LSM3: variants seen among roughly 807,000 people sequenced by gnomAD.
The protein encoded by LSM3 is LSM3 homolog, U6 small nuclear RNA and mRNA degradation associated.
LSM3 carries 14 observed loss-of-function variants against 15.4 expected under a neutral mutation model. The observed-to-expected ratio is 0.91, with a 90% CI of 0.60 to 1.42. The LOEUF (loss-of-function observed/expected upper bound fraction) is 1.42, where lower values mean the gene tolerates loss of function less well. Among genes scored for constraint, LSM3 ranks in the 40% most tolerant of loss-of-function variants. The probability of loss-of-function intolerance (pLI) is 0.00; values close to 1 mark genes in which losing one functional copy is unlikely to be tolerated. For synonymous variants in LSM3, 46 were observed against 45.1 expected (o/e 1.02, Z -0.08); for missense variants, 88 against 127.9 (o/e 0.69, Z 1.50).
At chr3:14,186,178 T>A (rs1697087860) in intron 3 of LSM3, among the ~76,000 whole-genome samples, 1 of 152,248 alleles carries the variant, frequency 6.6e-6, no homozygotes, top group Non-Finnish European at 1.5e-5. Context: ...GGAGCCACTA[T>A]GCCAGGCCGT....
chr3:14,191,660 G>C (rs183722908), intron 3 of LSM3, among the ~76,000 whole-genome samples: 9 of 152,178 alleles, frequency 5.9e-5, no homozygotes, highest in Non-Finnish European at 7.4e-5. Context: ...GCGTCTATTT[G>C]ATTCTTCTCT....
intron 3 of LSM3, among the ~76,000 whole-genome samples, chr3:14,195,616 T>C (rs1203602455): frequency 6.6e-6 from 1 of 152,190 alleles, no homozygotes; most frequent in African/African-American, 2.4e-5. Context: ...CTGAGAGAAC[T>C]GTGAATGAGC....
intron 1 of LSM3, among the ~76,000 whole-genome samples, chr3:14,179,528 A>G (rs961995651): frequency 1.1e-4 from 17 of 152,236 alleles, no homozygotes; most frequent in Admixed American, 6.5e-5. Flanking sequence ...TGACCTCCTC[A>G]GAGAGGACTT....
intron 3 of LSM3, among the ~76,000 whole-genome samples, chr3:14,185,112 A>G (rs1283038317): frequency 2.6e-5 from 4 of 151,904 alleles, no homozygotes; most frequent in Non-Finnish European, 5.9e-5. Flanking sequence ...CCACTTTGGG[A>G]GGCCAAAGCG....
At chr3:14,188,487 G>T (rs1697110689) in intron 3 of LSM3, among the ~76,000 whole-genome samples, 1 of 152,178 alleles carries the variant, frequency 6.6e-6, no homozygotes, top group African/African-American at 2.4e-5. Flanking sequence ...ACACAGTGCA[G>T]TAAAATGTCT....
intron 3 of LSM3, among the ~76,000 whole-genome samples, chr3:14,189,589 A>C (rs963089187): frequency 1.3e-5 from 2 of 152,158 alleles, no homozygotes; most frequent in African/African-American, 4.8e-5. Context: ...TTTTGGCTGC[A>C]TAAATGTCTT....
chr3:14,178,910 A>G, intron 1 of LSM3, 29 bp downstream of exon 1: 1 of 1,613,804 alleles, frequency 6.2e-7, no homozygotes, highest in Non-Finnish European at 8.5e-7. Flanking sequence ...GGTCGCTCGA[A>G]GGAGCTTCTT....
chr3:14,196,073 C>T (rs892170328), intron 3 of LSM3, among the ~76,000 whole-genome samples: 30 of 152,136 alleles, frequency 2.0e-4, no homozygotes, highest in Non-Finnish European at 3.4e-4. Context: ...CTGCCTCAGC[C>T]TCCCAAGTAG....
At chr3:14,183,853 T>C (rs1697061821) in intron 2 of LSM3, 84 bp from the exon 3 acceptor site, 3 of 987,688 alleles carry the variant, frequency 3.0e-6, no homozygotes, top group Non-Finnish European at 4.4e-6. Context: ...CTAGTTGTAA[T>C]TGAGCAATTT....
At chr3:14,188,313 A>G (rs1697108891) in intron 3 of LSM3, among the ~76,000 whole-genome samples, 1 of 152,180 alleles carries the variant, frequency 6.6e-6, no homozygotes, top group Non-Finnish European at 1.5e-5. Flanking sequence ...CTCATACATA[A>G]CTAACTCTTT....
chr3:14,196,680 T>G (rs547284248), intron 3 of LSM3, among the ~76,000 whole-genome samples: 4 of 152,344 alleles, frequency 2.6e-5, no homozygotes, highest in African/African-American at 9.6e-5. Flanking sequence ...TGTTTGGAAC[T>G]TATACTAAAT....
intron 3 of LSM3, among the ~76,000 whole-genome samples, chr3:14,192,725 A>G (rs1376837262): frequency 1.3e-5 from 2 of 152,120 alleles, no homozygotes; most frequent in African/African-American, 4.8e-5. Flanking sequence ...TCTTGACTCT[A>G]TCCAGTTTGC....
At chr3:14,188,605 T>C (rs1016481875) in intron 3 of LSM3, among the ~76,000 whole-genome samples, 3 of 152,104 alleles carry the variant, frequency 2.0e-5, no homozygotes, top group African/African-American at 7.3e-5. Context: ...CTAATGAGTG[T>C]TAGTTATTCT....
chr3:14,184,804 C>T (rs1462071665), intron 3 of LSM3, among the ~76,000 whole-genome samples: 1 of 151,874 alleles, frequency 6.6e-6, no homozygotes, highest in Non-Finnish European at 1.5e-5. Flanking sequence ...ACCTGTAATC[C>T]TAGCACTTTG....
rs763635512 is a variant in LSM3 at position 14,198,018 on chromosome 3, T to C, written c.229-18T>C. ...TACACAGTTGTACAAATATGTTCTG[T>C]TTTTTTTTCTCTTCTAGTCAACGAA... On this transcript the variant is annotated intron_variant, in intron 3 of 3. Transcript: ENST00000306024. The C allele has an allele frequency of 1.4e-6, 2 of 1,448,882 alleles. No homozygotes were observed. Among genetic ancestry groups the C allele is most frequent in the Non-Finnish European group, 1.9e-6 (2 of 1,068,828 alleles). 89.8% of individuals were successfully genotyped at this position (1,448,882 alleles called of 1,614,324 possible).
chr3:14,181,478 GC>G, intron 1 of LSM3, 81 bp from the exon 2 acceptor site: 1 of 841,078 alleles, frequency 1.2e-6, no homozygotes, highest in Admixed American at 2.1e-5. Context: ...TAAATAACTT[GC>G]CCATGGTCAC....
In LSM3 at chr3:14,199,209, A is replaced by T. The variant is rs1697213591; in HGVS notation, c.*1093A>T. On this transcript the variant is annotated 3_prime_UTR_variant, in exon 4 of 4. Coordinates refer to ENST00000306024, the MANE Select transcript of LSM3 (RefSeq NM_014463.3). ...TGAGGGGTCTCAAACAACATGTCTCAGTGACACAGTAAAGCAGAAATTGGC... is the reference window on the plus strand; with the variant it reads ...TGAGGGGTCTCAAACAACATGTCTCTGTGACACAGTAAAGCAGAAATTGGC... The T allele has an allele frequency of 6.6e-6, 1 of 152,218 alleles. No individual in the cohort carries two copies. The highest frequency in any genetic ancestry group is 6.5e-5 in the Admixed American group (1 of 15,278). The allele number at this position is 152,218 out of a possible 1,614,324, so 9.4% of individuals were successfully genotyped here.
At position 14,198,385 on chromosome 3, in the gene LSM3, A is replaced by T; in HGVS notation, c.*269A>T. 1 of 424,102 alleles carries T rather than the reference A, an allele frequency of 2.4e-6. No individual in the cohort carries two copies. The highest frequency in any genetic ancestry group is 4.2e-6 in the Non-Finnish European group (1 of 239,410). 26.3% of individuals were successfully genotyped at this position (424,102 alleles called of 1,614,324 possible). ...TTCTTTTGCTCCATTATTCTCACAG[A>T]TACTTACTGATTTTTCTTTTCTTTA... On this transcript the variant is annotated 3_prime_UTR_variant, in exon 4 of 4. Coordinates refer to ENST00000306024, the MANE Select transcript of LSM3 (RefSeq NM_014463.3).
chr3:14,181,456 G>T (rs1697037735), intron 1 of LSM3, 104 bp from the exon 2 acceptor site: 1 of 729,966 alleles, frequency 1.4e-6, no homozygotes, highest in Non-Finnish European at 2.4e-6. Context: ...GGAGACTGAG[G>T]CAGAAAAAGG....
Sources: allele counts gnomAD v4.1 joint callset (sites outside exome capture counted in the v4.1 genomes callset), GRCh38; gene constraint gnomAD v4.1.1; transcripts MANE v1.5; gene names NCBI Gene and HGNC (gene_info 2026-07-23, HGNC 2026-07-21).